SCAPER: variants seen among roughly 807,000 people sequenced by gnomAD.
SCAPER encodes the protein S phase cyclin A-associated protein in the endoplasmic reticulum.
In SCAPER, 98 loss-of-function variants were observed where a neutral mutation model predicts 182.2. That is an observed-to-expected ratio of 0.54 (90% CI 0.46 to 0.64). SCAPER has a LOEUF of 0.64. SCAPER is among the 30% of genes least tolerant of loss of function. The probability of loss-of-function intolerance (pLI) is 0.00; values close to 1 mark genes in which losing one functional copy is unlikely to be tolerated. For synonymous variants in SCAPER, 605 were observed against 564.6 expected, an observed-to-expected ratio of 1.07 and a Z score of -1.01; for missense variants, 1,432 against 1,690.0, an observed-to-expected ratio of 0.85 and a Z score of 2.68.
chr15:76,879,881 A>C (rs1012628863), intron 2 of SCAPER, among the ~76,000 whole-genome samples: 1 of 152,120 alleles, frequency 6.6e-6, no homozygotes, highest in Non-Finnish European at 1.5e-5. Flanking sequence ...CATACACTTA[A>C]TGTGTTTACT....
At chr15:76,402,846 A>G (rs1255567503) in intron 27 of SCAPER, among the ~76,000 whole-genome samples, 1 of 152,124 alleles carries the variant, frequency 6.6e-6, no homozygotes, top group Admixed American at 6.5e-5. Flanking sequence ...ACCTCATTCA[A>G]GTCAGTTTGG....
chr15:76,497,526 G>A (rs996873505), intron 24 of SCAPER, among the ~76,000 whole-genome samples: 1 of 152,096 alleles, frequency 6.6e-6, no homozygotes, highest in Non-Finnish European at 1.5e-5. Context: ...TAGGAAGGGA[G>A]AAGGTGATTA....
chr15:76,865,533 T>C (rs1283893789), intron 2 of SCAPER, among the ~76,000 whole-genome samples: 2 of 152,096 alleles, frequency 1.3e-5, no homozygotes, highest in South Asian at 4.2e-4. Context: ...AAGAAATAAA[T>C]AAACAGAATG....
chr15:76,565,058 A>T (rs1403683844), intron 23 of SCAPER, among the ~76,000 whole-genome samples: 1 of 152,204 alleles, frequency 6.6e-6, no homozygotes, highest in East Asian at 1.9e-4. Flanking sequence ...ATCCGAAACT[A>T]AAAACCCTGG....
intron 26 of SCAPER, among the ~76,000 whole-genome samples, chr15:76,433,632 A>C (rs2047007281): frequency 1.3e-5 from 2 of 152,154 alleles, no homozygotes; most frequent in South Asian, 4.1e-4. Context: ...TATATGTTGA[A>C]TTTCCTATTT....
intron 26 of SCAPER, among the ~76,000 whole-genome samples, chr15:76,428,086 T>C (rs2046567528): frequency 6.6e-6 from 1 of 151,816 alleles, no homozygotes; most frequent in Non-Finnish European, 1.5e-5. Flanking sequence ...GGCAACAGTG[T>C]CTCAAAAAAC....
At chr15:76,542,792 T>C (rs949074309) in intron 23 of SCAPER, among the ~76,000 whole-genome samples, 1 of 152,058 alleles carries the variant, frequency 6.6e-6, no homozygotes, top group Non-Finnish European at 1.5e-5. Context: ...CATAAACTTA[T>C]AGACATCATG....
At chr15:76,831,104 G>A (rs940988775) in intron 5 of SCAPER, among the ~76,000 whole-genome samples, 3 of 152,174 alleles carry the variant, frequency 2.0e-5, no homozygotes, top group African/African-American at 7.2e-5. Flanking sequence ...ACTGCATGGA[G>A]CCCAGAGGGT....
chr15:76,655,668 G>T (rs1224317272), intron 21 of SCAPER, among the ~76,000 whole-genome samples: 1 of 152,124 alleles, frequency 6.6e-6, no homozygotes. Context: ...AGAGAGAAGG[G>T]GCAGTCACCC....
chr15:76,444,465 C>A (rs915023462), intron 25 of SCAPER, among the ~76,000 whole-genome samples: 7 of 152,194 alleles, frequency 4.6e-5, no homozygotes, highest in Non-Finnish European at 1.0e-4. Flanking sequence ...CTCCTCACTG[C>A]TGTAAACTAA....
At chr15:76,748,459 T>G (rs2061923925) in intron 15 of SCAPER, among the ~76,000 whole-genome samples, 1 of 152,042 alleles carries the variant, frequency 6.6e-6, no homozygotes, top group Non-Finnish European at 1.5e-5. Flanking sequence ...GATAATTATT[T>G]CTTAGCACCA....
chr15:76,836,245 A>G (rs1427431743), intron 5 of SCAPER, among the ~76,000 whole-genome samples: 1 of 152,172 alleles, frequency 6.6e-6, no homozygotes, highest in Non-Finnish European at 1.5e-5. Flanking sequence ...TGGAACCAAA[A>G]AAGAGCCCCA....
chr15:76,903,243 A>G (rs897569010), intron 1 of SCAPER, among the ~76,000 whole-genome samples: 1 of 152,198 alleles, frequency 6.6e-6, no homozygotes, highest in African/African-American at 2.4e-5. Context: ...TTAGAATACT[A>G]TATCCTTTGG....
chr15:76,374,924 ATC>A (rs2042442060), intron 29 of SCAPER, among the ~76,000 whole-genome samples: 1 of 152,106 alleles, frequency 6.6e-6, no homozygotes, highest in Non-Finnish European at 1.5e-5. Context: ...ATTTTCCAGC[ATC>A]TTAAAAAAGC....
intron 22 of SCAPER, among the ~76,000 whole-genome samples, chr15:76,603,316 A>C (rs1407525122): frequency 5.0e-5 from 6 of 120,192 alleles, no homozygotes; most frequent in Admixed American, 1.9e-4. Context: ...TTTGCTGAGA[A>C]TGATGATTTC....
intron 29 of SCAPER, among the ~76,000 whole-genome samples, chr15:76,365,525 T>C (rs2041747570): frequency 6.6e-6 from 1 of 152,220 alleles, no homozygotes; most frequent in Non-Finnish European, 1.5e-5. Flanking sequence ...CTACAGCTAA[T>C]CAGGGACAAT....
intron 22 of SCAPER, among the ~76,000 whole-genome samples, chr15:76,610,285 A>G (rs552523409): frequency 2.0e-5 from 3 of 152,248 alleles, no homozygotes; most frequent in African/African-American, 7.2e-5. Context: ...ACCACCATGC[A>G]TGTCCCTCAA....
At chr15:76,423,269 G>A (rs969235291) in intron 26 of SCAPER, among the ~76,000 whole-genome samples, 3 of 152,086 alleles carry the variant, frequency 2.0e-5, no homozygotes, top group Non-Finnish European at 2.9e-5. Flanking sequence ...TTGGTTCGTA[G>A]GCTATTAATT....
chr15:76,577,265 G>A (rs561699249), intron 22 of SCAPER, among the ~76,000 whole-genome samples: 78 of 152,236 alleles, frequency 5.1e-4, no homozygotes, highest in Non-Finnish European at 9.3e-4. Context: ...GGGCAACATG[G>A]TGAAAGCCCG....
Sources: gnomAD v4.1 joint callset for allele counts (sites outside exome capture counted in the v4.1 genomes callset) on GRCh38, gnomAD v4.1.1 for gene constraint, MANE v1.5 for transcripts, NCBI Gene and HGNC (gene_info 2026-07-23, HGNC 2026-07-21) for gene names.